CADM1: variants seen among roughly 807,000 people sequenced by gnomAD.
The protein encoded by CADM1 is cell adhesion molecule 1.
In CADM1, 15 loss-of-function variants were observed where a neutral mutation model predicts 53.1. The observed-to-expected ratio is 0.28, with a 90% CI of 0.19 to 0.44. The LOEUF is 0.44. Among genes scored for constraint, CADM1 ranks in the 20% least tolerant of loss-of-function variants. The pLI is 1.00. For missense variants in CADM1, 434 were observed against 611.3 expected (o/e 0.71, Z 3.06); for synonymous variants, 281 against 243.0 (o/e 1.16, Z -1.45).
At chr11:115,279,459 C>T (rs566763184) in intron 1 of CADM1, among the ~76,000 whole-genome samples, 1 of 152,280 alleles carries the variant, frequency 6.6e-6, no homozygotes, top group African/African-American at 2.4e-5. Flanking sequence ...CTACTTTATG[C>T]TATAATTGCT....
At chr11:115,496,484 A>G (rs1949616867) in intron 1 of CADM1, among the ~76,000 whole-genome samples, 1 of 152,194 alleles carries the variant, frequency 6.6e-6, no homozygotes, top group Admixed American at 6.5e-5. Flanking sequence ...TAAGCTGAAA[A>G]GTAATAAGAA....
At chr11:115,209,423 T>G (rs1940843005) in intron 8 of CADM1, 151 bp downstream of exon 8, 1 of 1,175,446 alleles carries the variant, frequency 8.5e-7, no homozygotes, top group African/African-American at 1.5e-5. Flanking sequence ...AGATTCAACT[T>G]AAGAACATAG....
intron 1 of CADM1, among the ~76,000 whole-genome samples, chr11:115,392,908 T>C (rs1946874001): frequency 6.6e-6 from 1 of 151,784 alleles, no homozygotes; most frequent in Non-Finnish European, 1.5e-5. Flanking sequence ...GGCACAGTAG[T>C]TGTGCACCTG....
chr11:115,187,250 T>C (rs1939605284), intron 10 of CADM1, among the ~76,000 whole-genome samples: 1 of 152,162 alleles, frequency 6.6e-6, no homozygotes, highest in African/African-American at 2.4e-5. Flanking sequence ...ATGTGGGGGT[T>C]AGGAAAGAGT....
At chr11:115,230,828 C>T (rs1346467866) in intron 4 of CADM1, among the ~76,000 whole-genome samples, 2 of 152,214 alleles carry the variant, frequency 1.3e-5, no homozygotes, top group African/African-American at 4.8e-5. Context: ...TGTTAGTCCA[C>T]TTAGTGCAAC....
chr11:115,256,974 G>A (rs968791149), intron 1 of CADM1: 1 of 451,274 alleles, frequency 2.2e-6, no homozygotes, highest in South Asian at 1.6e-5. Flanking sequence ...GGGCAGTCAT[G>A]CTTGTCACAT....
chr11:115,375,185 G>C (rs1312587061), intron 1 of CADM1, among the ~76,000 whole-genome samples: 3 of 152,162 alleles, frequency 2.0e-5, no homozygotes, highest in Non-Finnish European at 4.4e-5. Context: ...AACTGTTGAA[G>C]TTGAGTGATA....
At chr11:115,441,079 A>T (rs1478111724) in intron 1 of CADM1, among the ~76,000 whole-genome samples, 1 of 152,080 alleles carries the variant, frequency 6.6e-6, no homozygotes, top group East Asian at 1.9e-4. Context: ...AGATTTTATC[A>T]ATCACTGATT....
intron 1 of CADM1, among the ~76,000 whole-genome samples, chr11:115,389,619 C>A (rs1346836007): frequency 6.6e-6 from 1 of 152,020 alleles, no homozygotes; most frequent in Admixed American, 6.6e-5. Flanking sequence ...GTGCAAACAA[C>A]AGGACTAAAG....
At chr11:115,437,100 A>G (rs772292171) in intron 1 of CADM1, among the ~76,000 whole-genome samples, 4 of 152,218 alleles carry the variant, frequency 2.6e-5, no homozygotes, top group Non-Finnish European at 5.9e-5. Context: ...CACAAAATCC[A>G]GCAGAGTAAT....
At chr11:115,492,516 C>G (rs1253675998) in intron 1 of CADM1, among the ~76,000 whole-genome samples, 1 of 152,114 alleles carries the variant, frequency 6.6e-6, no homozygotes, top group Admixed American at 6.5e-5. Flanking sequence ...ACATAACACA[C>G]ACACAAAAAA....
intron 9 of CADM1, among the ~76,000 whole-genome samples, chr11:115,194,697 CAG>C (rs1020430916): frequency 6.6e-6 from 1 of 151,976 alleles, no homozygotes; most frequent in East Asian, 1.9e-4. Flanking sequence ...GAGACGGAGA[CAG>C]AGAGACCTCA....
In CADM1 at chr11:115,253,321, T is replaced by C. The variant is rs983907895; in HGVS notation, c.125-12901A>G. On this transcript the variant is annotated intron_variant, in intron 1 of 11. Coordinates refer to ENST00000331581, the MANE Select transcript of CADM1 (RefSeq NM_001301043.2). ...ATTCCTGCCTTTAGGACTAAGTGCA[T>C]GAGCTTTGAGAAAGCTATCAGGTAT... is the stretch of plus-strand genomic sequence containing the variant. Among the ~76,000 whole-genome samples, 5 of 152,092 alleles carry C rather than the reference T, an allele frequency of 3.3e-5. No homozygotes were observed. In the East Asian group the frequency reaches 9.6e-4, roughly 29 times the overall value.
At chr11:115,257,781 A>T (rs1942839918) in intron 1 of CADM1, among the ~76,000 whole-genome samples, 1 of 152,144 alleles carries the variant, frequency 6.6e-6, no homozygotes, top group African/African-American at 2.4e-5. Context: ...CCACCCTTTT[A>T]AGGGTGTTTG....
chr11:115,454,365 A>G (rs1426756201), intron 1 of CADM1, among the ~76,000 whole-genome samples: 2 of 152,216 alleles, frequency 1.3e-5, no homozygotes, highest in Non-Finnish European at 2.9e-5. Flanking sequence ...GGAATTTAAG[A>G]AAAACTTCAG....
intron 6 of CADM1, among the ~76,000 whole-genome samples, chr11:115,217,357 A>G (rs1941230515): frequency 6.6e-6 from 1 of 152,188 alleles, no homozygotes; most frequent in South Asian, 2.1e-4. Context: ...TATCCTCCTT[A>G]AGAAAAGTTC....
At chr11:115,185,580 A>G (rs951065018) in intron 10 of CADM1, among the ~76,000 whole-genome samples, 14 of 152,164 alleles carry the variant, frequency 9.2e-5, no homozygotes, top group Non-Finnish European at 1.0e-4. Context: ...TGATTTAGTT[A>G]ATTTAACCAT....
chr11:115,499,190 T>A (rs1439123225), intron 1 of CADM1, among the ~76,000 whole-genome samples: 1 of 152,228 alleles, frequency 6.6e-6, no homozygotes, highest in East Asian at 1.9e-4. Flanking sequence ...CTGTTCTTGT[T>A]CTTAAGAACA....
intron 1 of CADM1, among the ~76,000 whole-genome samples, chr11:115,452,156 TGGGGTGGGGGGGTG>T (rs1311352503): frequency 1.6e-3 from 1 of 630 alleles, no homozygotes; most frequent in African/African-American, 6.1e-3. Context: ...GGTGGGGTGG[TGGGGTGGGGGGGTG>T]GGGGGGCTGG....
Sources: gnomAD v4.1 joint callset for allele counts (sites outside exome capture counted in the v4.1 genomes callset) on GRCh38, gnomAD v4.1.1 for gene constraint, MANE v1.5 for transcripts, NCBI Gene and HGNC (gene_info 2026-07-23, HGNC 2026-07-21) for gene names.